Variants in SCNN1G observed in about 807,000 individuals in gnomAD.
The protein encoded by SCNN1G is sodium channel epithelial 1 subunit gamma, also known as epithelial sodium channel subunit gamma.
SCNN1G carries 27 observed loss-of-function variants against 64.6 expected under a neutral mutation model. The ratio of observed to expected loss-of-function variants is 0.42; its 90% CI spans 0.31 to 0.58. SCNN1G has a LOEUF of 0.58. Ranked by LOEUF, SCNN1G falls within the 20% of genes least tolerant of loss-of-function variation. The pLI, the probability that SCNN1G is intolerant of heterozygous loss-of-function variation, is 0.18. For missense variants in SCNN1G, 743 were observed against 823.4 expected (o/e 0.90, Z 1.19); for synonymous variants, 330 against 314.2 (o/e 1.05, Z -0.53).
chr16:23,211,493 A>G (rs1259712408), intron 7 of SCNN1G, among the ~76,000 whole-genome samples: 2 of 152,158 alleles, frequency 1.3e-5, no homozygotes, highest in Non-Finnish European at 2.9e-5. Flanking sequence ...GCTCAGCCCC[A>G]TCTCCATATC....
chr16:23,212,902 C>A lies in SCNN1G; in HGVS notation c.1431+8C>A, dbSNP rs1960103217. Reference sequence around the variant, plus strand: ...CCATCTGTGGTTTCGGAGGTAAGTTCTTCTGCCCACCCTTCCCCACTGAAG... The same window carrying A: ...CCATCTGTGGTTTCGGAGGTAAGTTATTCTGCCCACCCTTCCCCACTGAAG... On this transcript the variant is annotated splice_region_variant and intron_variant, in intron 10 of 12. Transcript: ENST00000300061. 2 of 1,613,324 alleles carry A rather than the reference C, an allele frequency of 1.2e-6. No individual in the cohort carries two copies. Among genetic ancestry groups the A allele is most frequent in the Non-Finnish European group, 1.7e-6 (2 of 1,179,830 alleles).
intron 6 of SCNN1G, among the ~76,000 whole-genome samples, chr16:23,205,627 G>A (rs988178497): frequency 1.3e-4 from 20 of 151,822 alleles, no homozygotes; most frequent in African/African-American, 4.6e-4. Context: ...TTACACCCGG[G>A]AGGTGGAGGT....
At chr16:23,208,370 T>G (rs1405645415) in intron 6 of SCNN1G, among the ~76,000 whole-genome samples, 4 of 151,910 alleles carry the variant, frequency 2.6e-5, no homozygotes, top group Admixed American at 6.6e-5. Context: ...GCAAAAAAAA[T>G]TATTGAATAA....
intron 5 of SCNN1G, among the ~76,000 whole-genome samples, chr16:23,196,787 G>A (rs149141532): frequency 4.6e-4 from 70 of 152,270 alleles, no homozygotes; most frequent in African/African-American, 7.9e-4. Context: ...TGCTGTGTCC[G>A]CATAGACTTC....
In SCNN1G at chr16:23,210,058, T is replaced by C. The variant is rs4499238; in HGVS notation, c.1176+210T>C. Reference sequence around the variant, plus strand: ...AGCTTAATTGATACACCGAGGTTTCTGTGGAACTCAATGTACAGCTGAGAC... The same window carrying C: ...AGCTTAATTGATACACCGAGGTTTCCGTGGAACTCAATGTACAGCTGAGAC... On this transcript the variant is annotated intron_variant, in intron 7 of 12. Coordinates refer to ENST00000300061, the MANE Select transcript of SCNN1G (RefSeq NM_001039.4). Among the ~76,000 whole-genome samples the C allele has an allele frequency of 0.76, 116,188 of 152,182 alleles. 44,912 individuals are homozygous for C. The highest frequency in any genetic ancestry group is 0.88 in the East Asian group (4,558 of 5,178).
chr16:23,214,456 G>C (rs904444676), intron 11 of SCNN1G, among the ~76,000 whole-genome samples: 4 of 152,234 alleles, frequency 2.6e-5, no homozygotes, highest in African/African-American at 9.6e-5. Flanking sequence ...TACAATGGCA[G>C]TATGGCTGGG....
chr16:23,215,604 T>A lies in SCNN1G; in HGVS notation c.*135T>A. On this transcript the variant is annotated 3_prime_UTR_variant, in exon 13 of 13. Coordinates refer to ENST00000300061, the MANE Select transcript of SCNN1G (RefSeq NM_001039.4). ...TTTCAGATACTCTGACCAAAAAGCC[T>A]GCTTTAAACCGCAAGATGGGGCCTG... 2.7e-6 allele frequency: 3 copies of A among 1,091,398 alleles called. No homozygotes were observed. Among genetic ancestry groups the A allele is most frequent in the Non-Finnish European group, 4.1e-6 (3 of 738,052 alleles). 67.6% of individuals were successfully genotyped at this position (1,091,398 alleles called of 1,614,324 possible).
chr16:23,191,790 A>G (rs1350315858), intron 3 of SCNN1G, among the ~76,000 whole-genome samples: 1 of 152,196 alleles, frequency 6.6e-6, no homozygotes, highest in Non-Finnish European at 1.5e-5. Flanking sequence ...AACATTTGGA[A>G]TGTATAATGG....
At chr16:23,214,496 C>A (rs1567269870) in intron 11 of SCNN1G, among the ~76,000 whole-genome samples, 1 of 152,184 alleles carries the variant, frequency 6.6e-6, no homozygotes, top group African/African-American at 2.4e-5. Flanking sequence ...AGTTGGGGAG[C>A]AGTTCTTGAG....
chr16:23,209,517 G>GCT (rs1960044618), intron 6 of SCNN1G, among the ~76,000 whole-genome samples: 7 of 152,294 alleles, frequency 4.6e-5, no homozygotes, highest in South Asian at 2.1e-4. Flanking sequence ...CCCACTGGAA[G>GCT]GTACGTTCCA....
At chr16:23,212,553 G>C (rs150797511) in intron 8 of SCNN1G, 125 bp from the exon 9 acceptor site, 1 of 792,402 alleles carries the variant, frequency 1.3e-6, no homozygotes, top group East Asian at 2.5e-5. Context: ...TTTCCAGAGA[G>C]TTGGTAGAAA....
chr16:23,190,994 C>G (rs1277284177), intron 3 of SCNN1G, among the ~76,000 whole-genome samples: 1 of 151,878 alleles, frequency 6.6e-6, no homozygotes, highest in Non-Finnish European at 1.5e-5. Flanking sequence ...CAGGCATGCA[C>G]CACCATGCTT....
chr16:23,197,861 AG>A (rs1959823014), intron 6 of SCNN1G, among the ~76,000 whole-genome samples: 1 of 144,718 alleles, frequency 6.9e-6, no homozygotes, highest in Admixed American at 7.2e-5. Flanking sequence ...GCCGAGCAAC[AG>A]AGCAAGACTC....
At chr16:23,184,344 G>A (rs1290934336) in intron 1 of SCNN1G, among the ~76,000 whole-genome samples, 4 of 152,092 alleles carry the variant, frequency 2.6e-5, no homozygotes, top group Admixed American at 6.5e-5. Context: ...GAGGGCTGCA[G>A]TTTTATTTGA....
chr16:23,193,109 A>G (rs1031012487), intron 4 of SCNN1G, among the ~76,000 whole-genome samples: 9 of 151,024 alleles, frequency 6.0e-5, no homozygotes, highest in Admixed American at 4.6e-4. Context: ...CCAACCCACA[A>G]GGTATTAGAT....
Position 23,186,413 on chromosome 16 carries a change from C to T in SCNN1G, c.142C>T (p.Arg48Cys). The change falls in exon 2 of 13, where the codon CGC becomes TGC. Residue 48 changes from arginine to cysteine, a missense_variant. By Grantham distance (180) the Arg-to-Cys change is radical. Coordinates refer to ENST00000300061, the MANE Select transcript of SCNN1G (RefSeq NM_001039.4). ...TGGCTGTCGCCGCATCGTGGTGTCC[C>T]GCGGCCGTCTGCGCCGCCTCCTCTG... ...THGCRRIVVSRGRLRRLLWIG... is the reference protein window; with the variant it reads ...THGCRRIVVSCGRLRRLLWIG... 1 of 1,614,242 alleles carries T rather than the reference C, an allele frequency of 6.2e-7. No individual in the cohort carries two copies. The highest frequency in any genetic ancestry group is 8.5e-7 in the Non-Finnish European group (1 of 1,180,052).
Position 23,211,389 on chromosome 16 carries a change from C to A in SCNN1G, c.1177-645C>A, listed in dbSNP as rs1960076792. Among the ~76,000 whole-genome samples, 4 of 152,178 alleles carry A rather than the reference C, an allele frequency of 2.6e-5. No homozygotes were observed. The South Asian group carries it at 8.3e-4, about 31-fold the overall frequency. ...AGGAACACAGGGACTGTGTTTATTT[C>A]TCTCTGTTTCTTGACAACTCCTCTA... On this transcript the variant is annotated intron_variant, in intron 7 of 12. Coordinates refer to ENST00000300061, the MANE Select transcript of SCNN1G (RefSeq NM_001039.4).
chr16:23,196,385 A>AG (rs58393369), intron 5 of SCNN1G: 30,562 of 152,014 alleles, frequency 0.2, 3,188 homozygotes, highest in Non-Finnish European at 0.22. Context: ...AGAAGTAGGC[A>AG]GGGCTGTATC....
chr16:23,189,419 A>G lies in SCNN1G; in HGVS notation c.366A>G (p.Arg122=), dbSNP rs751284882. 7 of 1,614,146 alleles carry G rather than the reference A, an allele frequency of 4.3e-6. No homozygotes were observed. The South Asian group carries it at 4.4e-5, about 10-fold the overall frequency. The part of the protein sequence containing the change: ...HLLADLEQET[R]EALKSLYGFP... ...TAGCTGACTTGGAACAGGAGACCAG[A>G]GAGGCCCTGAAGTCCCTGTATGGCT... The change falls in exon 3 of 13, where the codon AGA becomes AGG. Residue 122 remains arginine (R), a synonymous_variant. Transcript: ENST00000300061.
Sources: allele counts gnomAD v4.1 joint callset (sites outside exome capture counted in the v4.1 genomes callset), GRCh38; gene constraint gnomAD v4.1.1; transcripts MANE v1.5; gene names NCBI Gene and HGNC (gene_info 2026-07-23, HGNC 2026-07-21).